SLC7A11: variants seen among roughly 807,000 people sequenced by gnomAD.
SLC7A11 encodes solute carrier family 7 member 11.
SLC7A11 carries 35 observed loss-of-function variants against 54.5 expected under a neutral mutation model. The ratio of observed to expected loss-of-function variants is 0.64; its 90% CI spans 0.49 to 0.85. The LOEUF (loss-of-function observed/expected upper bound fraction) is 0.85. Ranked by LOEUF, SLC7A11 falls within the 40% of genes least tolerant of loss-of-function variation. SLC7A11 has a pLI of 0.00. For missense variants in SLC7A11, 583 were observed against 618.1 expected (o/e 0.94, Z 0.60); for synonymous variants, 230 against 225.2 (o/e 1.02, Z -0.19).
At chr4:138,177,115 G>A (rs933547845) in intron 11 of SLC7A11, 8 of 151,978 alleles carry the variant, frequency 5.3e-5, no homozygotes, top group Non-Finnish European at 8.8e-5. Context: ...GCTAATAAAA[G>A]GTATTAATAA....
rs751917788 is a variant in SLC7A11, at chr4:138,236,292, A to G, written c.404+33T>C. On this transcript the variant is annotated intron_variant, in intron 2 of 11. Coordinates refer to ENST00000280612, the MANE Select transcript of SLC7A11 (RefSeq NM_014331.4). ...GTGATTCATAAGAATGAATTGGTTT[A>G]TTTTTTCTTAATTCTTTCTACTATG... 2.5e-6 allele frequency: 4 copies of G among 1,576,430 alleles called. No individual in the cohort carries two copies. The Admixed American group carries it at 5.7e-5, about 23-fold the overall frequency.
intron 3 of SLC7A11, among the ~76,000 whole-genome samples, chr4:138,224,987 A>T (rs1430368064): frequency 6.6e-6 from 1 of 151,448 alleles, no homozygotes; most frequent in African/African-American, 2.4e-5. Context: ...TATGATGAAC[A>T]TATAGCATTT....
In SLC7A11 at chr4:138,214,620, G is replaced by A. The variant is rs1293338543; in HGVS notation, c.756C>T (p.Leu252=). ...TTTCTACTTCTTCAGTAACAAAGTT[G>A]AGGTAAAACCTAAAAATAGATAAAT... ...GMYAYAGWFY[L]NFVTEEVENP... Residue 252 remains leucine (L), a synonymous_variant, in exon 6 of 12, where the codon CTC becomes CTT. Transcript: ENST00000280612. 2.2e-6 allele frequency: 3 copies of A among 1,380,612 alleles called. No individual in the cohort carries two copies. The highest frequency in any genetic ancestry group is 1.5e-5 in the African/African-American group (1 of 67,200). 85.5% of individuals were successfully genotyped at this position (1,380,612 alleles called of 1,614,324 possible). A position where few individuals can be genotyped will look rare whatever the true frequency, so the allele number is the denominator to read the frequency against.
chr4:138,200,972 T>G (rs1418659184), intron 6 of SLC7A11, among the ~76,000 whole-genome samples: 3 of 152,076 alleles, frequency 2.0e-5, no homozygotes, highest in African/African-American at 7.2e-5. Flanking sequence ...GCCATGACCA[T>G]AGACTATCAG....
chr4:138,226,863 G>C (rs549629153), intron 3 of SLC7A11, among the ~76,000 whole-genome samples: 1 of 152,196 alleles, frequency 6.6e-6, no homozygotes, highest in African/African-American at 2.4e-5. Context: ...AATTATATCA[G>C]TCTGGGCATT....
At chr4:138,202,708 TCCA>T (rs1330350824) in intron 6 of SLC7A11, among the ~76,000 whole-genome samples, 21 of 152,116 alleles carry the variant, frequency 1.4e-4, no homozygotes, top group Non-Finnish European at 2.8e-4. Context: ...AATTTGCTAC[TCCA>T]CCATTTCTTT....
At chr4:138,220,192 C>T (rs886157210) in intron 4 of SLC7A11, among the ~76,000 whole-genome samples, 13 of 151,946 alleles carry the variant, frequency 8.6e-5, no homozygotes, top group African/African-American at 2.9e-4. Flanking sequence ...CCCGCCTCGG[C>T]CTCCCAAAGT....
chr4:138,236,416 T>C lies in SLC7A11; in HGVS notation c.313A>G (p.Lys105Glu), dbSNP rs1376917929. Residue 105 changes from lysine (K) to glutamate (E), a missense_variant, in exon 2 of 12, where the codon AAG becomes GAG. Coordinates refer to ENST00000280612, the MANE Select transcript of SLC7A11 (RefSeq NM_014331.4). ...TATGTGTAATGACCTCCAGATTTCT[T>C]TATAGTTGTTCCCAATTCAGCATAA... The part of the protein sequence containing the change: ...LSYAELGTTI[K>E]KSGGHYTYIL... 1 of 1,612,516 alleles carries C rather than the reference T, an allele frequency of 6.2e-7. No individual in the cohort carries two copies. Among genetic ancestry groups the C allele is most frequent in the Admixed American group, 1.7e-5 (1 of 59,798 alleles).
intron 10 of SLC7A11, among the ~76,000 whole-genome samples, chr4:138,180,103 G>C (rs940163206): frequency 6.6e-6 from 1 of 152,124 alleles, no homozygotes; most frequent in Non-Finnish European, 1.5e-5. Context: ...TGGGTATCAA[G>C]TGGTAAATTT....
intron 6 of SLC7A11, among the ~76,000 whole-genome samples, chr4:138,212,561 G>T (rs1274212932): frequency 2.6e-5 from 4 of 150,986 alleles, no homozygotes; most frequent in Non-Finnish European, 5.9e-5. Flanking sequence ...TAGTATCTGT[G>T]TGCACTAAAT....
intron 3 of SLC7A11, among the ~76,000 whole-genome samples, chr4:138,228,709 A>C (rs967150999): frequency 1.4e-5 from 2 of 146,902 alleles, no homozygotes; most frequent in Admixed American, 7.0e-5. Context: ...CAGTGAGCCA[A>C]GATCATGCCA....
intron 11 of SLC7A11, chr4:138,177,247 T>TTAACCAGA (rs1736595652): frequency 6.6e-6 from 1 of 152,142 alleles, no homozygotes; most frequent in Non-Finnish European, 1.5e-5. Context: ...TATTAATAAT[T>TTAACCAGA]TAACCAGAAA....
At position 138,166,787 on chromosome 4, in the gene SLC7A11, C is replaced by G. The variant is rs891933837; in HGVS notation, c.*5169G>C. 2 of 151,988 alleles carry G rather than the reference C, an allele frequency of 1.3e-5. No individual in the cohort carries two copies. Among genetic ancestry groups the G allele is most frequent in the Non-Finnish European group, 2.9e-5 (2 of 68,008 alleles). 9.4% of individuals were successfully genotyped at this position (151,988 alleles called of 1,614,324 possible). A position where few individuals can be genotyped will look rare whatever the true frequency, so the allele number is the denominator to read the frequency against. ...CTGTGTATTTTAAGGCCAATAGTAA[C>G]AGAGAGGAGGGAAAAAAATAACTAC... is the stretch of plus-strand genomic sequence containing the variant. On this transcript the variant is annotated 3_prime_UTR_variant, in exon 12 of 12. Coordinates refer to ENST00000280612, the MANE Select transcript of SLC7A11 (RefSeq NM_014331.4).
At chr4:138,186,576 T>C (rs557468373) in intron 6 of SLC7A11, among the ~76,000 whole-genome samples, 2 of 152,208 alleles carry the variant, frequency 1.3e-5, no homozygotes, top group African/African-American at 4.8e-5. Context: ...GACATCCTAA[T>C]ATGAAAGTAG....
At chr4:138,201,997 A>G (rs554776998) in intron 6 of SLC7A11, among the ~76,000 whole-genome samples, 5 of 152,264 alleles carry the variant, frequency 3.3e-5, no homozygotes, top group South Asian at 2.1e-4. Context: ...AATGTCTAAT[A>G]CTGAAATGTA....
intron 7 of SLC7A11, 85 bp downstream of exon 7, chr4:138,185,036 C>T: frequency 6.8e-7 from 1 of 1,471,536 alleles, no homozygotes; most frequent in Non-Finnish European, 9.5e-7. Context: ...AATTTCAAAA[C>T]ACTTTCTGCT....
rs752680028 is a variant in SLC7A11 at position 138,170,271 on chromosome 4, T to TATATACACACAC, written c.*1684_*1685insGTGTGTGTATAT. Reference sequence around the variant, plus strand: ...GTGTGTATATATATATATATATATATACACACACACACACACACACACATA... The same window carrying TATATACACACAC: ...GTGTGTATATATATATATATATATATATATACACACACACACACACACACACACACACACATA... On this transcript the variant is annotated 3_prime_UTR_variant, in exon 12 of 12. Transcript: ENST00000280612. 365 of 86,200 alleles carry TATATACACACAC rather than the reference T, an allele frequency of 4.2e-3. No individual in the cohort carries two copies. The highest frequency in any genetic ancestry group is 5.5e-3 in the Non-Finnish European group (242 of 44,296). 5.3% of individuals were successfully genotyped at this position (86,200 alleles called of 1,614,324 possible). A position where few individuals can be genotyped will look rare whatever the true frequency, so the allele number is the denominator to read the frequency against.
intron 3 of SLC7A11, among the ~76,000 whole-genome samples, chr4:138,227,487 T>C (rs543463807): frequency 3.9e-4 from 60 of 152,326 alleles, no homozygotes; most frequent in African/African-American, 1.3e-3. Context: ...ATGGCAGACA[T>C]TGTACAAAGA....
At chr4:138,190,357 T>A (rs912653254) in intron 6 of SLC7A11, among the ~76,000 whole-genome samples, 42 of 152,230 alleles carry the variant, frequency 2.8e-4, no homozygotes, top group African/African-American at 9.9e-4. Context: ...TACATACAAT[T>A]GACATGGAGC....
Sources: gnomAD v4.1 joint callset for allele counts (sites outside exome capture counted in the v4.1 genomes callset) on GRCh38, gnomAD v4.1.1 for gene constraint, MANE v1.5 for transcripts, NCBI Gene and HGNC (gene_info 2026-07-23, HGNC 2026-07-21) for gene names.